Variants in KCNIP1 observed in about 807,000 individuals in gnomAD.
The protein encoded by KCNIP1 is A-type potassium channel modulatory protein KCNIP1.
KCNIP1 carries 18 observed loss-of-function variants against 33.0 expected under a neutral mutation model. The observed-to-expected ratio is 0.55, with a 90% CI of 0.38 to 0.81. The LOEUF is 0.81. KCNIP1 is among the 30% of genes least tolerant of loss of function. The pLI, the probability that KCNIP1 is intolerant of heterozygous loss-of-function variation, is 0.00. For missense variants in KCNIP1, 238 were observed against 271.6 expected (o/e 0.88, Z 0.87); for synonymous variants, 93 against 98.3 (o/e 0.95, Z 0.32).
intron 1 of KCNIP1, among the ~76,000 whole-genome samples, chr5:170,465,063 C>T (rs28502864): frequency 0.032 from 4,860 of 152,182 alleles, 182 homozygotes; most frequent in Admixed American, 0.086. Context: ...TTTCAACTTC[C>T]AAGCCATGTG....
intron 1 of KCNIP1, among the ~76,000 whole-genome samples, chr5:170,496,755 A>C (rs1757318074): frequency 6.6e-6 from 1 of 152,162 alleles, no homozygotes. Flanking sequence ...CCGTCATTTC[A>C]GTCTCACCCG....
At position 170,563,577 on chromosome 5, in the gene KCNIP1, C is replaced by A. The variant is rs557107638; in HGVS notation, c.61+58944C>A. On this transcript the variant is annotated intron_variant, in intron 1 of 7. Coordinates refer to ENST00000328939, the MANE Select transcript of KCNIP1 (RefSeq NM_014592.4). ...TTACCTTTGTGTAAGAATGCAAAGT[C>A]ATAAGCACAGTTTACAATTGCAATG... 2.0e-5 allele frequency among the ~76,000 whole-genome samples: 3 copies of A among 152,246 alleles called. No homozygotes were observed. In the East Asian group the frequency reaches 5.8e-4, roughly 29 times the overall value.
At chr5:170,678,050 G>A (rs899874088) in intron 1 of KCNIP1, among the ~76,000 whole-genome samples, 3 of 152,136 alleles carry the variant, frequency 2.0e-5, no homozygotes, top group African/African-American at 7.2e-5. Context: ...CCCCAATTAG[G>A]GCAAACATTT....
At chr5:170,705,912 A>G (rs1763242088) in intron 1 of KCNIP1, among the ~76,000 whole-genome samples, 1 of 152,204 alleles carries the variant, frequency 6.6e-6, no homozygotes, top group South Asian at 2.1e-4. Context: ...TTGAGCACCT[A>G]CTATGCATGT....
intron 1 of KCNIP1, among the ~76,000 whole-genome samples, chr5:170,463,711 T>G (rs984141761): frequency 8.5e-5 from 13 of 152,120 alleles, no homozygotes; most frequent in Admixed American, 7.9e-4. Flanking sequence ...ACAGCTAATA[T>G]GATAAATAAT....
At chr5:170,680,935 G>T (rs1762321177) in intron 1 of KCNIP1, 1 of 397,568 alleles carries the variant, frequency 2.5e-6, no homozygotes, top group Non-Finnish European at 4.4e-6. Context: ...AAGGGAGGGA[G>T]GCAGAAAGAG....
At chr5:170,710,093 C>G (rs1295783674) in intron 1 of KCNIP1, among the ~76,000 whole-genome samples, 1 of 152,192 alleles carries the variant, frequency 6.6e-6, no homozygotes, top group African/African-American at 2.4e-5. Flanking sequence ...GTCTCGAACT[C>G]CTGACCTCAA....
intron 1 of KCNIP1, among the ~76,000 whole-genome samples, chr5:170,601,903 T>C (rs979450230): frequency 6.6e-6 from 1 of 151,976 alleles, no homozygotes; most frequent in Non-Finnish European, 1.5e-5. Flanking sequence ...GCCCTGGCAA[T>C]GGGGAATGGA....
intron 1 of KCNIP1, among the ~76,000 whole-genome samples, chr5:170,699,875 G>A (rs542746155): frequency 6.6e-6 from 1 of 152,334 alleles, no homozygotes; most frequent in East Asian, 1.9e-4. Context: ...CCAGCAGGCA[G>A]AGAGCTGGCC....
intron 1 of KCNIP1, among the ~76,000 whole-genome samples, chr5:170,419,110 C>T (rs1488202459): frequency 1.3e-5 from 2 of 152,202 alleles, no homozygotes; most frequent in Admixed American, 6.5e-5. Flanking sequence ...GTGTAAACGT[C>T]GTTGTCCAGG....
chr5:170,415,746 A>G (rs1230754739), intron 1 of KCNIP1, among the ~76,000 whole-genome samples: 13 of 151,768 alleles, frequency 8.6e-5, no homozygotes, highest in Non-Finnish European at 1.5e-5. Context: ...AGTTTTTTCT[A>G]TTTTGATTAT....
In KCNIP1 at chr5:170,616,600, C is replaced by T. The variant is rs148630439; in HGVS notation, c.62-102158C>T. 8.8e-4 allele frequency among the ~76,000 whole-genome samples: 134 copies of T among 152,256 alleles called. 1 individual carries two copies. The highest frequency in any genetic ancestry group is 3.2e-3 in the African/African-American group (133 of 41,556). ...ACCATGAGAGCCCACCTCTCTCTGG[C>T]CCAAGTTTCCTTCTGTAATGTGAAA... On this transcript the variant is annotated intron_variant, in intron 1 of 7. Coordinates refer to ENST00000328939, the MANE Select transcript of KCNIP1 (RefSeq NM_014592.4).
At chr5:170,455,269 C>G (rs1756346304) in intron 1 of KCNIP1, among the ~76,000 whole-genome samples, 1 of 152,118 alleles carries the variant, frequency 6.6e-6, no homozygotes, top group Admixed American at 6.6e-5. Context: ...AGTCTTCCTC[C>G]TCCTACTTCT....
chr5:170,446,406 C>T (rs1470634754), intron 1 of KCNIP1, among the ~76,000 whole-genome samples: 1 of 34,762 alleles, frequency 2.9e-5, no homozygotes, highest in African/African-American at 1.3e-4. Context: ...AACCTTTGAC[C>T]TTGCTGACAA....
chr5:170,394,445 G>A (rs1368272382), intron 1 of KCNIP1, among the ~76,000 whole-genome samples: 3 of 152,056 alleles, frequency 2.0e-5, no homozygotes, highest in African/African-American at 7.2e-5. Flanking sequence ...AGATCTTGCG[G>A]TTTTGTTGTC....
chr5:170,464,917 C>G (rs1423760542), intron 1 of KCNIP1, among the ~76,000 whole-genome samples: 1 of 152,188 alleles, frequency 6.6e-6, no homozygotes, highest in Non-Finnish European at 1.5e-5. Context: ...AGTCTCTGCC[C>G]TACTGGCTTG....
At chr5:170,513,034 A>G (rs1308912048) in intron 1 of KCNIP1, among the ~76,000 whole-genome samples, 1 of 151,364 alleles carries the variant, frequency 6.6e-6, no homozygotes, top group Non-Finnish European at 1.5e-5. Flanking sequence ...TGGGCGACAG[A>G]GCGAGACTCC....
At chr5:170,397,359 C>T (rs148688231) in intron 1 of KCNIP1, among the ~76,000 whole-genome samples, 86 of 152,270 alleles carry the variant, frequency 5.6e-4, no homozygotes, top group East Asian at 3.9e-3. Context: ...GATCAGTTTC[C>T]AGGGCAGAGC....
At chr5:170,355,895 G>A (rs1025392158) in intron 1 of KCNIP1, among the ~76,000 whole-genome samples, 7 of 152,228 alleles carry the variant, frequency 4.6e-5, no homozygotes, top group African/African-American at 1.7e-4. Flanking sequence ...CAGGCACCAG[G>A]GCAGGATTGT....
Sources: allele counts gnomAD v4.1 joint callset (sites outside exome capture counted in the v4.1 genomes callset), GRCh38; gene constraint gnomAD v4.1.1; transcripts MANE v1.5; gene names NCBI Gene and HGNC (gene_info 2026-07-23, HGNC 2026-07-21).